The following SKI variants were observed in gnomAD, a reference collection of about 807,000 sequenced individuals.
SKI encodes the protein ski oncogene.
In SKI, 23 loss-of-function variants were observed where a neutral mutation model predicts 59.3. The observed-to-expected ratio is 0.39, with a 90% CI of 0.28 to 0.55. The LOEUF (loss-of-function observed/expected upper bound fraction) is 0.55. Ranked by LOEUF, SKI falls within the 20% of genes least tolerant of loss-of-function variation. The probability of loss-of-function intolerance (pLI) is 0.67; values close to 1 mark genes in which losing one functional copy is unlikely to be tolerated. For synonymous variants in SKI, 673 were observed against 488.6 expected, an observed-to-expected ratio of 1.38 and a Z score of -4.98; for missense variants, 1,017 against 1,038.9, an observed-to-expected ratio of 0.98 and a Z score of 0.29.
chr1:2,283,498 G>A (rs892401703), intron 1 of SKI, among the ~76,000 whole-genome samples: 11 of 152,210 alleles, frequency 7.2e-5, no homozygotes, highest in African/African-American at 2.7e-4. Context: ...CATGTGGGCC[G>A]GGGCCAGGAC....
intron 1 of SKI, among the ~76,000 whole-genome samples, chr1:2,238,379 C>T (rs1290654588): frequency 1.3e-5 from 2 of 152,016 alleles, no homozygotes; most frequent in Non-Finnish European, 2.9e-5. Context: ...CCTGGAAGGT[C>T]GGCGGCCCTG....
intron 1 of SKI, chr1:2,232,588 C>G (rs1049845889): frequency 6.6e-6 from 1 of 152,274 alleles, no homozygotes; most frequent in African/African-American, 2.4e-5. Context: ...AGGAAGCCTC[C>G]GCTTCTGTCC....
intron 1 of SKI, among the ~76,000 whole-genome samples, chr1:2,290,536 C>G (rs1557843433): frequency 6.6e-6 from 1 of 151,970 alleles, no homozygotes; most frequent in African/African-American, 2.4e-5. Flanking sequence ...CAACAGTTGG[C>G]GGGTGGGCTG....
chr1:2,253,681 C>T (rs1165460373), intron 1 of SKI, among the ~76,000 whole-genome samples: 4 of 152,170 alleles, frequency 2.6e-5, no homozygotes, highest in Non-Finnish European at 5.9e-5. Flanking sequence ...AGGAACGGTG[C>T]GAGCAGATGG....
chr1:2,229,024 G>C lies in SKI; in HGVS notation c.258G>C (p.Leu86=), dbSNP rs780679449. Residue 86 remains leucine (L), a synonymous_variant, in exon 1 of 7, where the codon CTG becomes CTC. Transcript: ENST00000378536. This position sits in a 1 kb window ranked among gnomAD's most constrained non-coding sequence, Gnocchi z 6.3. ...CCATCCAGCCGCCGCCGCCCGTGCT[G>C]CCCGGGCCCTTCTTCATGCCGTCCG... ...LPAIQPPPPV[L]PGPFFMPSDR... 2 of 1,596,232 alleles carry C rather than the reference G, an allele frequency of 1.3e-6. No individual in the cohort carries two copies. Among genetic ancestry groups the C allele is most frequent in the Admixed American group, 1.7e-5 (1 of 59,278 alleles).
chr1:2,259,647 C>G (rs1271274824), intron 1 of SKI, among the ~76,000 whole-genome samples: 1 of 152,096 alleles, frequency 6.6e-6, no homozygotes, highest in African/African-American at 2.4e-5. Flanking sequence ...TGTATAAAAC[C>G]CTCGCTGCCG....
chr1:2,241,484 C>T (rs986226111), intron 1 of SKI, among the ~76,000 whole-genome samples: 6 of 152,146 alleles, frequency 3.9e-5, no homozygotes, highest in Non-Finnish European at 8.8e-5. Flanking sequence ...GCTCTGTCTC[C>T]CGGGTTCACG....
intron 1 of SKI, among the ~76,000 whole-genome samples, chr1:2,242,905 CTG>C (rs929452832): frequency 6.6e-6 from 1 of 152,242 alleles, no homozygotes; most frequent in African/African-American, 2.4e-5. Context: ...GCTGTGTTCT[CTG>C]TGGGAATATT....
At chr1:2,296,237 A>C (rs1040635460) in intron 1 of SKI, among the ~76,000 whole-genome samples, 81 of 151,956 alleles carry the variant, frequency 5.3e-4, no homozygotes, top group African/African-American at 1.2e-3. Context: ...AAAAAAAAAA[A>C]ACAAAAAATT....
intron 1 of SKI, among the ~76,000 whole-genome samples, chr1:2,232,024 CAG>C (rs1181929005): frequency 6.6e-6 from 1 of 152,126 alleles, no homozygotes; most frequent in Non-Finnish European, 1.5e-5. Flanking sequence ...AGTGTGGTCT[CAG>C]GGTGGGCGTG....
At chr1:2,285,116 G>C (rs1376659801) in intron 1 of SKI, among the ~76,000 whole-genome samples, 1 of 152,124 alleles carries the variant, frequency 6.6e-6, no homozygotes, top group East Asian at 1.9e-4. Context: ...GCGGCAGTTG[G>C]TGTGGCCGTG....
At chr1:2,231,505 C>T (rs590367) in intron 1 of SKI, among the ~76,000 whole-genome samples, 42,829 of 152,088 alleles carry the variant, frequency 0.28, 7,370 homozygotes, top group Admixed American at 0.38. Flanking sequence ...CTTCTCTCTC[C>T]CTGTGGTTGT....
chr1:2,253,871 G>C (rs77780976), intron 1 of SKI, among the ~76,000 whole-genome samples: 11,081 of 152,252 alleles, frequency 0.073, 482 homozygotes, highest in Middle Eastern at 0.15. Context: ...CATCGATGCT[G>C]GACTTGCTGA....
At chr1:2,261,160 A>G (rs1639379170) in intron 1 of SKI, among the ~76,000 whole-genome samples, 1 of 152,196 alleles carries the variant, frequency 6.6e-6, no homozygotes, top group South Asian at 2.1e-4. Flanking sequence ...TTTTACATCA[A>G]CGCCATGCTG....
At chr1:2,299,199 C>T (rs973637679) in intron 1 of SKI, among the ~76,000 whole-genome samples, 1 of 152,230 alleles carries the variant, frequency 6.6e-6, no homozygotes, top group Non-Finnish European at 1.5e-5. Context: ...GTGGAGAAGG[C>T]CCGGAGCTGT....
At position 2,306,211 on chromosome 1, in the gene SKI, C is replaced by G. The variant is rs779397895; in HGVS notation, c.1959C>G (p.Gly653=). 6.3e-7 allele frequency: 1 copy of G among 1,575,580 alleles called. No homozygotes were observed. ...QARQARVCDK[G]CEAGRLRAKY... ...GGCAGGCCCGGGTGTGCGACAAGGGCTGCGAGGCGGGCCGCCTGCGCGCCA... is the reference window on the plus strand; with the variant it reads ...GGCAGGCCCGGGTGTGCGACAAGGGGTGCGAGGCGGGCCGCCTGCGCGCCA... Residue 653 remains glycine, a synonymous_variant, in exon 6 of 7, where the codon GGC becomes GGG. Coordinates refer to ENST00000378536, the MANE Select transcript of SKI (RefSeq NM_003036.4).
chr1:2,300,674 T>G (rs1640402348), intron 1 of SKI, among the ~76,000 whole-genome samples: 1 of 152,220 alleles, frequency 6.6e-6, no homozygotes, highest in Non-Finnish European at 1.5e-5. Flanking sequence ...TCTCCGTTTC[T>G]CTGATGCTGC....
chr1:2,300,984 G>A (rs1405562030), intron 1 of SKI, among the ~76,000 whole-genome samples: 1 of 152,198 alleles, frequency 6.6e-6, no homozygotes, highest in African/African-American at 2.4e-5. Context: ...CATGGAGGTG[G>A]CCTGAGGCAT....
rs1052089076 is a variant in SKI, at chr1:2,252,814, G to A, written c.969+23079G>A. ...TTGAACGTTACAAGAAGGAAGTGAG[G>A]CCAGGCGCGGTATCTCGTGCCTGTA... On this transcript the variant is annotated intron_variant, in intron 1 of 6. Coordinates refer to ENST00000378536, the MANE Select transcript of SKI (RefSeq NM_003036.4). Among the ~76,000 whole-genome samples, 8 of 152,232 alleles carry A rather than the reference G, an allele frequency of 5.3e-5. No individual in the cohort carries two copies. In the East Asian group the frequency reaches 1.5e-3, roughly 29 times the overall value.
Sources: allele counts gnomAD v4.1 joint callset (sites outside exome capture counted in the v4.1 genomes callset), GRCh38; gene constraint gnomAD v4.1.1; non-coding constraint Gnocchi (gnomAD v3.1); transcripts MANE v1.5; gene names NCBI Gene and HGNC (gene_info 2026-07-23, HGNC 2026-07-21).